The following LHFPL6 variants were observed in gnomAD, a reference collection of about 807,000 sequenced individuals.
LHFPL6 encodes LHFPL tetraspan subfamily member 6 protein.
LHFPL6 carries 9 observed loss-of-function variants against 20.6 expected under a neutral mutation model. That is an observed-to-expected ratio of 0.44 (90% CI 0.26 to 0.76). The LOEUF (loss-of-function observed/expected upper bound fraction) is 0.76, where lower values mean the gene tolerates loss of function less well. Among genes scored for constraint, LHFPL6 ranks in the 30% least tolerant of loss-of-function variants. LHFPL6 has a pLI of 0.20. For synonymous variants in LHFPL6, 105 were observed against 98.7 expected (o/e 1.06, Z -0.38); for missense variants, 218 against 253.5 (o/e 0.86, Z 0.95).
chr13:39,442,673 G>A (rs1306941326), intron 2 of LHFPL6, among the ~76,000 whole-genome samples: 2 of 152,218 alleles, frequency 1.3e-5, no homozygotes, highest in Non-Finnish European at 2.9e-5. Flanking sequence ...GAAAATCTCA[G>A]AGGTTCTGTG....
intron 2 of LHFPL6, among the ~76,000 whole-genome samples, chr13:39,448,227 T>C (rs1299906199): frequency 6.6e-6 from 1 of 152,232 alleles, no homozygotes; most frequent in Non-Finnish European, 1.5e-5. Flanking sequence ...GCACTGTTAT[T>C]CAGGGTACAT....
rs994485729 is a variant in LHFPL6 at position 39,571,853 on chromosome 13, C to T, written c.385+28979G>A. 1.8e-4 allele frequency among the ~76,000 whole-genome samples: 28 copies of T among 152,218 alleles called. 1 individual carries two copies. Among genetic ancestry groups the T allele is most frequent in the African/African-American group, 6.0e-4 (25 of 41,462 alleles). On this transcript the variant is annotated intron_variant, in intron 2 of 3. Transcript: ENST00000379589. ...CAAGGTGACATGCCTGGTCTGGCCA[C>T]GGGCCCTGCATGGAGCTTGCTTCTG...
chr13:39,359,791 G>GAA (rs80044033), intron 3 of LHFPL6, among the ~76,000 whole-genome samples: 127 of 146,848 alleles, frequency 8.6e-4, no homozygotes, highest in African/African-American at 3.0e-3. Context: ...CATTGAAAAA[G>GAA]AAAAAAAAAA....
At chr13:39,511,427 A>C (rs1394786401) in intron 2 of LHFPL6, among the ~76,000 whole-genome samples, 2 of 151,746 alleles carry the variant, frequency 1.3e-5, no homozygotes, top group Non-Finnish European at 2.9e-5. Context: ...CAATCACAGC[A>C]TTCTTTGTTC....
At chr13:39,571,605 C>G (rs1230154265) in intron 2 of LHFPL6, among the ~76,000 whole-genome samples, 1 of 152,246 alleles carries the variant, frequency 6.6e-6, no homozygotes, top group African/African-American at 2.4e-5. Flanking sequence ...GGATGCCGGA[C>G]AAGAGCTCGG....
intron 2 of LHFPL6, among the ~76,000 whole-genome samples, chr13:39,575,094 C>T (rs961093872): frequency 6.6e-6 from 1 of 151,972 alleles, no homozygotes; most frequent in Non-Finnish European, 1.5e-5. Context: ...ACAGGTGGGT[C>T]TAAGAAATTT....
At chr13:39,569,880 G>A (rs569425434) in intron 2 of LHFPL6, among the ~76,000 whole-genome samples, 24 of 152,220 alleles carry the variant, frequency 1.6e-4, no homozygotes, top group African/African-American at 5.3e-4. Flanking sequence ...AATTCGAAAC[G>A]TTTTAAAATG....
intron 2 of LHFPL6, among the ~76,000 whole-genome samples, chr13:39,565,537 A>G (rs1016377650): frequency 2.0e-5 from 3 of 152,250 alleles, no homozygotes; most frequent in Non-Finnish European, 4.4e-5. Context: ...AACCAAAGAA[A>G]CAGTGGAGAA....
intron 2 of LHFPL6, among the ~76,000 whole-genome samples, chr13:39,562,369 T>TATATACATATACATATATATAC (rs1871513215): frequency 1.0e-5 from 1 of 98,754 alleles, no homozygotes; most frequent in African/African-American, 3.6e-5. Context: ...TACATATACA[T>TATATACATATACATATATATAC]ATATACATAT....
At chr13:39,542,411 T>G (rs1258873419) in intron 2 of LHFPL6, among the ~76,000 whole-genome samples, 1 of 152,156 alleles carries the variant, frequency 6.6e-6, no homozygotes, top group African/African-American at 2.4e-5. Context: ...AGCTTCACCA[T>G]TTAGTAATAA....
chr13:39,464,042 A>C (rs7990910), intron 2 of LHFPL6, among the ~76,000 whole-genome samples: 23,895 of 152,128 alleles, frequency 0.16, 3,496 homozygotes, highest in East Asian at 0.51. Flanking sequence ...CATTCTACAT[A>C]AGTAAAATAT....
intron 3 of LHFPL6, among the ~76,000 whole-genome samples, chr13:39,346,530 T>C (rs556176411): frequency 1.3e-5 from 2 of 152,222 alleles, no homozygotes; most frequent in African/African-American, 4.8e-5. Context: ...CAGGGAAAGT[T>C]TAATAAGCTG....
At chr13:39,597,555 A>G (rs143506894) in intron 2 of LHFPL6, among the ~76,000 whole-genome samples, 3 of 152,286 alleles carry the variant, frequency 2.0e-5, no homozygotes, top group Admixed American at 6.5e-5. Flanking sequence ...TTTATTTTAC[A>G]TTGTATTTCC....
At chr13:39,458,808 C>T (rs538511839) in intron 2 of LHFPL6, among the ~76,000 whole-genome samples, 1 of 151,370 alleles carries the variant, frequency 6.6e-6, no homozygotes, top group African/African-American at 2.4e-5. Context: ...AGGAAGTCCA[C>T]ATTTGGATGG....
intron 2 of LHFPL6, among the ~76,000 whole-genome samples, chr13:39,585,219 T>C (rs1396717381): frequency 6.6e-6 from 1 of 152,224 alleles, no homozygotes; most frequent in Non-Finnish European, 1.5e-5. Flanking sequence ...AGGAAATCCA[T>C]GCCTCATACA....
intron 2 of LHFPL6, among the ~76,000 whole-genome samples, chr13:39,507,304 A>C (rs1312408245): frequency 6.6e-6 from 1 of 152,192 alleles, no homozygotes; most frequent in Non-Finnish European, 1.5e-5. Flanking sequence ...TAGACCCCAG[A>C]CAGGAGGGAA....
At chr13:39,535,798 CTT>C (rs1425558302) in intron 2 of LHFPL6, among the ~76,000 whole-genome samples, 3 of 152,172 alleles carry the variant, frequency 2.0e-5, no homozygotes, top group Non-Finnish European at 4.4e-5. Context: ...GATTTTACCT[CTT>C]CTTTTGAGAG....
intron 2 of LHFPL6, among the ~76,000 whole-genome samples, chr13:39,426,982 C>A (rs1014304652): frequency 5.3e-5 from 8 of 151,296 alleles, no homozygotes; most frequent in African/African-American, 1.9e-4. Context: ...TTTAAACATC[C>A]AATTGTTCTA....
intron 2 of LHFPL6, among the ~76,000 whole-genome samples, chr13:39,474,379 C>A (rs1044179309): frequency 6.6e-6 from 1 of 152,152 alleles, no homozygotes; most frequent in African/African-American, 2.4e-5. Flanking sequence ...TGATCTGTGT[C>A]AATGTTCACT....
Sources: allele counts gnomAD v4.1 joint callset (sites outside exome capture counted in the v4.1 genomes callset), GRCh38; gene constraint gnomAD v4.1.1; transcripts MANE v1.5; gene names NCBI Gene and HGNC (gene_info 2026-07-23, HGNC 2026-07-21).